MED17: variants seen among roughly 807,000 people sequenced by gnomAD.
MED17 encodes mediator complex subunit 17, also known as mediator of RNA polymerase II transcription subunit 17.
A neutral mutation model predicts 80.8 loss-of-function variants in MED17; 49 were observed. That is an observed-to-expected ratio of 0.61 (90% CI 0.48 to 0.77). The LOEUF is 0.77. MED17 is among the 30% of genes least tolerant of loss of function. The probability of loss-of-function intolerance (pLI) is 0.00; values close to 1 mark genes in which losing one functional copy is unlikely to be tolerated. For synonymous variants in MED17, 281 were observed against 280.4 expected (o/e 1.00, Z -0.02); for missense variants, 718 against 787.0 (o/e 0.91, Z 1.05).
intron 6 of MED17, 53 bp from the exon 7 acceptor site, chr11:93,796,357 G>C: frequency 6.8e-7 from 1 of 1,465,360 alleles, no homozygotes. Flanking sequence ...GACAGTTTAT[G>C]CCTTTCCATA....
chr11:93,798,342 G>A (rs1318801258), intron 8 of MED17, among the ~76,000 whole-genome samples: 1 of 152,144 alleles, frequency 6.6e-6, no homozygotes, highest in Non-Finnish European at 1.5e-5. Flanking sequence ...CAGTGCTAAA[G>A]GGTGCTTTTC....
intron 9 of MED17, among the ~76,000 whole-genome samples, chr11:93,803,919 T>G (rs1178921889): frequency 6.6e-6 from 1 of 150,754 alleles, no homozygotes; most frequent in Admixed American, 6.6e-5. Context: ...CTATAGCTCG[T>G]GTATTAGGGT....
intron 9 of MED17, among the ~76,000 whole-genome samples, chr11:93,804,026 TACACAC>T (rs368346628): frequency 0.033 from 373 of 11,304 alleles, 2 homozygotes; most frequent in African/African-American, 0.053. Context: ...TATATATATA[TACACAC>T]ACACATATAC....
chr11:93,801,424 G>A (rs1280285764), intron 8 of MED17: 5 of 206,364 alleles, frequency 2.4e-5, no homozygotes, highest in African/African-American at 9.2e-5. Flanking sequence ...GGGTCTAGAT[G>A]TGGGTGTGTC....
intron 2 of MED17, chr11:93,789,493 T>C (rs982879305): frequency 6.6e-6 from 1 of 152,212 alleles, no homozygotes; most frequent in African/African-American, 2.4e-5. Context: ...AAAGATTATT[T>C]TGATATGTTT....
chr11:93,803,947 C>A (rs1238927937), intron 9 of MED17, among the ~76,000 whole-genome samples: 1 of 146,076 alleles, frequency 6.8e-6, no homozygotes, highest in African/African-American at 2.6e-5. Context: ...AGGGACAGAA[C>A]TAATGGAATG....
At chr11:93,785,865 G>A (rs1943764207) in intron 1 of MED17, among the ~76,000 whole-genome samples, 1 of 152,112 alleles carries the variant, frequency 6.6e-6, no homozygotes, top group Non-Finnish European at 1.5e-5. Flanking sequence ...TTAGCTGGGC[G>A]TGGTGGTGCA....
At chr11:93,801,761 ATT>A (rs66497337) in intron 8 of MED17, 72 bp from the exon 9 acceptor site, 1 of 1,445,668 alleles carries the variant, frequency 6.9e-7, no homozygotes, top group Non-Finnish European at 9.6e-7. Flanking sequence ...TTTTCATAAA[ATT>A]TTCGAATCAT....
intron 10 of MED17, chr11:93,808,372 A>ATT (rs1944049522): frequency 7.4e-5 from 1 of 13,552 alleles, no homozygotes; most frequent in African/African-American, 1.0e-4. Context: ...CTCTTTTTAA[A>ATT]AAAAAAAAAA....
At chr11:93,790,854 C>A (rs551774563) in intron 3 of MED17, 61 bp downstream of exon 3, 101 of 1,451,044 alleles carry the variant, frequency 7.0e-5, no homozygotes, top group Non-Finnish European at 9.6e-5. Context: ...TGCGTGTAAT[C>A]CTAGCACTTT....
chr11:93,799,181 T>C, intron 8 of MED17, among the ~76,000 whole-genome samples: 1 of 3,552 alleles, frequency 2.8e-4, no homozygotes, highest in Non-Finnish European at 6.9e-3. Flanking sequence ...ACAAGAAATT[T>C]TTTTTTTTTT....
At chr11:93,808,610 C>T (rs1010112756) in intron 10 of MED17, 1 of 143,472 alleles carries the variant, frequency 7.0e-6, no homozygotes, top group African/African-American at 2.6e-5. Context: ...TAGTATCTTG[C>T]ATTAGCATTT....
rs1024713776 is a variant in MED17, at chr11:93,784,352, C to T, written c.-162C>T. ...TCTGGGAAAGTTGCTGGGCCAGCTC[C>T]TTTGTTTCCAGTCTGAGCGTTGCGT... is the stretch of plus-strand genomic sequence containing the variant. On this transcript the variant is annotated 5_prime_UTR_variant, in exon 1 of 12. Transcript: ENST00000251871. 1.1e-6 allele frequency: 1 copy of T among 949,906 alleles called. No homozygotes were observed. 58.8% of individuals were successfully genotyped at this position (949,906 alleles called of 1,614,324 possible).
intron 8 of MED17, 88 bp downstream of exon 8, chr11:93,797,807 CT>C: frequency 8.0e-7 from 1 of 1,252,284 alleles, no homozygotes; most frequent in Non-Finnish European, 1.1e-6. Flanking sequence ...TTTTGGGATG[CT>C]TTTGACTTTT....
chr11:93,812,231 A>G lies in MED17; in HGVS notation c.*167A>G, dbSNP rs750665289. Reference sequence around the variant, plus strand: ...TTTCAAACTTTTCACTTTATAAATGACAAGTGCTTTGAAATGCAGAAGTTT... The same window carrying G: ...TTTCAAACTTTTCACTTTATAAATGGCAAGTGCTTTGAAATGCAGAAGTTT... On this transcript the variant is annotated 3_prime_UTR_variant, in exon 12 of 12. Transcript: ENST00000251871. 4 of 664,324 alleles carry G rather than the reference A, an allele frequency of 6.0e-6. No homozygotes were observed. Among genetic ancestry groups the G allele is most frequent in the Non-Finnish European group, 1.0e-5 (4 of 382,540 alleles). The allele number at this position is 664,324 out of a possible 1,614,324, so 41.2% of individuals were successfully genotyped here.
In MED17 at chr11:93,784,558, C is replaced by T. The variant is rs777259634; in HGVS notation, c.45C>T (p.Cys15=). 6.8e-6 allele frequency: 11 copies of T among 1,612,490 alleles called. No homozygotes were observed. In the South Asian group the frequency reaches 7.7e-5, roughly 11 times the overall value. ...TGCGGATCAGCATCGAATCGGCCTG[C>T]GAGAAGCAGGTCCATGAGGTGGGCC... ...RAVRISIESA[C]EKQVHEVGLD... The change falls in exon 1 of 12, where the codon TGC becomes TGT. Residue 15 remains cysteine (C), a synonymous_variant. Transcript: ENST00000251871.
chr11:93,803,999 G>GTATATATATA (rs1166820708), intron 9 of MED17, among the ~76,000 whole-genome samples: 256 of 26,828 alleles, frequency 9.5e-3, no homozygotes, highest in African/African-American at 0.02. Flanking sequence ...ATATGTGTGT[G>GTATATATATA]TATATATATA....
chr11:93,795,225 G>A (rs1266013475), intron 6 of MED17, 165 bp downstream of exon 6: 1 of 816,242 alleles, frequency 1.2e-6, no homozygotes, highest in African/African-American at 1.7e-5. Context: ...CTATACTGTG[G>A]AATCTGTTCT....
chr11:93,801,032 T>C (rs1311330813), intron 8 of MED17: 1 of 152,196 alleles, frequency 6.6e-6, no homozygotes, highest in African/African-American at 2.4e-5. Flanking sequence ...AAGTGTTGGC[T>C]GTTGATTAGT....
Sources: gnomAD v4.1 joint callset for allele counts (sites outside exome capture counted in the v4.1 genomes callset) on GRCh38, gnomAD v4.1.1 for gene constraint, MANE v1.5 for transcripts, NCBI Gene and HGNC (gene_info 2026-07-23, HGNC 2026-07-21) for gene names.